Variants in PLCB1 observed in about 807,000 individuals in gnomAD.
PLCB1 encodes 1-phosphatidylinositol 4,5-bisphosphate phosphodiesterase beta-1.
In PLCB1, 46 loss-of-function variants were observed where a neutral mutation model predicts 161.8. The observed-to-expected ratio is 0.28, with a 90% CI of 0.22 to 0.36. PLCB1 has a LOEUF of 0.36. PLCB1 is among the 10% of genes least tolerant of loss of function. The probability of loss-of-function intolerance (pLI) is 1.00; values close to 1 mark genes in which losing one functional copy is unlikely to be tolerated. For synonymous variants in PLCB1, 517 were observed against 503.7 expected (o/e 1.03, Z -0.35); for missense variants, 1,016 against 1,472.5 (o/e 0.69, Z 5.07).
intron 2 of PLCB1, among the ~76,000 whole-genome samples, chr20:8,287,665 A>T (rs1234096229): frequency 1.3e-5 from 2 of 152,216 alleles, no homozygotes; most frequent in Non-Finnish European, 2.9e-5. Context: ...ACAAAGAATC[A>T]GCATGGACCC....
intron 3 of PLCB1, among the ~76,000 whole-genome samples, chr20:8,610,961 G>T (rs1987888989): frequency 6.6e-6 from 1 of 151,910 alleles, no homozygotes; most frequent in South Asian, 2.1e-4. Context: ...TTTAATGTAT[G>T]AAATTTGCTA....
chr20:8,877,111 G>A (rs1987809095), intron 31 of PLCB1, among the ~76,000 whole-genome samples: 1 of 152,134 alleles, frequency 6.6e-6, no homozygotes. Context: ...TGTTTCACTT[G>A]CACAGAATAG....
intron 2 of PLCB1, among the ~76,000 whole-genome samples, chr20:8,173,383 A>G (rs2051751960): frequency 6.6e-6 from 1 of 152,138 alleles, no homozygotes; most frequent in Admixed American, 6.6e-5. Flanking sequence ...AGGTACAGGG[A>G]CCTCTGGAAG....
intron 3 of PLCB1, among the ~76,000 whole-genome samples, chr20:8,518,412 G>C (rs907084411): frequency 6.6e-5 from 10 of 152,066 alleles, no homozygotes; most frequent in African/African-American, 2.2e-4. Context: ...GTGGGATGTA[G>C]GATAGGACTG....
chr20:8,733,200 G>A, intron 18 of PLCB1, 38 bp from the exon 19 acceptor site: 13 of 1,605,258 alleles, frequency 8.1e-6, no homozygotes, highest in South Asian at 1.1e-5. Context: ...CCCAAGTATA[G>A]ATAAACTCAC....
At chr20:8,664,372 A>ATTT (rs1340079113) in intron 9 of PLCB1, among the ~76,000 whole-genome samples, 6 of 152,180 alleles carry the variant, frequency 3.9e-5, no homozygotes, top group Non-Finnish European at 5.9e-5. Context: ...GTTTTAGGCA[A>ATTT]AGTTCAGATA....
At chr20:8,442,541 T>C (rs528269500) in intron 3 of PLCB1, among the ~76,000 whole-genome samples, 11 of 152,316 alleles carry the variant, frequency 7.2e-5, no homozygotes, top group Non-Finnish European at 1.5e-4. Context: ...AGAGGGGACA[T>C]ACTGAGGCAA....
chr20:8,716,112 G>A lies in PLCB1; in HGVS notation c.1251-152G>A, dbSNP rs944107277. The stretch of plus-strand genomic sequence containing the variant: ...GTGTATGTTATTCAAATTCACATAA[G>A]TTAAGATAAAGATCCAGGATGATAA... On this transcript the variant is annotated intron_variant, in intron 12 of 31. Coordinates refer to ENST00000338037, the MANE Select transcript of PLCB1 (RefSeq NM_015192.4). 11 of 631,176 alleles carry A rather than the reference G, an allele frequency of 1.7e-5. No individual in the cohort carries two copies. The East Asian group carries it at 2.5e-4, about 14-fold the overall frequency. The allele number at this position is 631,176 out of a possible 1,614,324, so 39.1% of individuals were successfully genotyped here.
chr20:8,365,109 A>G (rs938497910), intron 2 of PLCB1, among the ~76,000 whole-genome samples: 7 of 151,950 alleles, frequency 4.6e-5, no homozygotes, highest in Non-Finnish European at 7.4e-5. Flanking sequence ...GGAGATCTTA[A>G]TTTAATATTT....
intron 24 of PLCB1, among the ~76,000 whole-genome samples, chr20:8,759,725 C>T (rs1286759100): frequency 6.6e-6 from 1 of 151,962 alleles, no homozygotes; most frequent in African/African-American, 2.4e-5. Flanking sequence ...GTGTCGAGCT[C>T]CTGACCTCAG....
intron 3 of PLCB1, among the ~76,000 whole-genome samples, chr20:8,449,904 A>G (rs556958688): frequency 1.3e-4 from 20 of 152,354 alleles, no homozygotes; most frequent in African/African-American, 4.8e-4. Flanking sequence ...CTAATGGACT[A>G]TAATGTCCAT....
chr20:8,712,559 G>A (rs1378071475), intron 12 of PLCB1, among the ~76,000 whole-genome samples: 2 of 152,168 alleles, frequency 1.3e-5, no homozygotes, highest in Non-Finnish European at 2.9e-5. Context: ...ACTTGACTCT[G>A]ACATCCTACT....
chr20:8,199,261 C>T (rs6055635), intron 2 of PLCB1, among the ~76,000 whole-genome samples: 3,884 of 152,156 alleles, frequency 0.026, 185 homozygotes, highest in African/African-American at 0.088. Context: ...TTGTCGGCAG[C>T]GCTGTAGTGG....
At chr20:8,626,729 C>T (rs1283589050) in intron 3 of PLCB1, among the ~76,000 whole-genome samples, 1 of 152,104 alleles carries the variant, frequency 6.6e-6, no homozygotes, top group African/African-American at 2.4e-5. Flanking sequence ...TCTGAGAATG[C>T]TTTTTCTCTT....
chr20:8,142,878 A>G (rs999861179), intron 1 of PLCB1, among the ~76,000 whole-genome samples: 3 of 151,914 alleles, frequency 2.0e-5, no homozygotes, highest in Non-Finnish European at 4.4e-5. Context: ...TCCTTTCTCC[A>G]CTCCTCGTTT....
At chr20:8,491,795 A>G (rs73899111) in intron 3 of PLCB1, among the ~76,000 whole-genome samples, 5,805 of 152,192 alleles carry the variant, frequency 0.038, 354 homozygotes, top group African/African-American at 0.13. Flanking sequence ...AGGATTGCCA[A>G]TTCTCACAAG....
rs867555298 is a variant in PLCB1 at position 8,417,071 on chromosome 20, A to T, written c.246+45621A>T. Among the ~76,000 whole-genome samples the T allele has an allele frequency of 9.5e-3, 492 of 51,586 alleles. 49 individuals are homozygous for T. Among genetic ancestry groups the T allele is most frequent in the Non-Finnish European group, 0.014 (339 of 23,514 alleles). 33.8% of individuals were successfully genotyped at this position (51,586 alleles called of 152,430 possible). ...CACACACACATATATATATATATATATATTTTTTTTTTTTTTTTTTTTTTT... is the reference window on the plus strand; with the variant it reads ...CACACACACATATATATATATATATTTATTTTTTTTTTTTTTTTTTTTTTT... On this transcript the variant is annotated intron_variant, in intron 3 of 31. Transcript: ENST00000338037.
At chr20:8,641,448 C>T (rs184067613) in intron 4 of PLCB1, among the ~76,000 whole-genome samples, 10 of 152,290 alleles carry the variant, frequency 6.6e-5, no homozygotes, top group East Asian at 1.9e-4. Flanking sequence ...AAAAAGAATG[C>T]GAGGCAGAAC....
intron 23 of PLCB1, among the ~76,000 whole-genome samples, chr20:8,741,998 A>C (rs560007431): frequency 6.6e-6 from 1 of 152,216 alleles, no homozygotes; most frequent in Non-Finnish European, 1.5e-5. Context: ...ATTTAACACA[A>C]TACCTGGAAA....
Sources: allele counts gnomAD v4.1 joint callset (sites outside exome capture counted in the v4.1 genomes callset), GRCh38; gene constraint gnomAD v4.1.1; transcripts MANE v1.5; gene names NCBI Gene and HGNC (gene_info 2026-07-23, HGNC 2026-07-21).